Variants in SMARCC1 observed in about 807,000 individuals in gnomAD.
SMARCC1 encodes SWI/SNF complex subunit SMARCC1.
In SMARCC1, 43 loss-of-function variants were observed where a neutral mutation model predicts 147.4. That is an observed-to-expected ratio of 0.29 (90% CI 0.23 to 0.38). The LOEUF (loss-of-function observed/expected upper bound fraction) is 0.38, where lower values mean the gene tolerates loss of function less well. Among genes scored for constraint, SMARCC1 ranks in the 10% least tolerant of loss-of-function variants. The pLI is 1.00. For synonymous variants in SMARCC1, 495 were observed against 484.4 expected (o/e 1.02, Z -0.29); for missense variants, 1,119 against 1,381.1 (o/e 0.81, Z 3.01).
intron 5 of SMARCC1, among the ~76,000 whole-genome samples, chr3:47,732,671 G>A (rs530672765): frequency 1.3e-5 from 2 of 152,194 alleles, no homozygotes; most frequent in African/African-American, 2.4e-5. Context: ...TAGAGAGATA[G>A]AGAAGTGGCC....
intron 21 of SMARCC1, among the ~76,000 whole-genome samples, chr3:47,644,016 A>C (rs1324065759): frequency 6.6e-6 from 1 of 152,186 alleles, no homozygotes; most frequent in African/African-American, 2.4e-5. Context: ...GCGAGATTCC[A>C]TATCTATAAA....
chr3:47,650,526 T>C (rs901386823), intron 21 of SMARCC1, among the ~76,000 whole-genome samples: 18 of 151,690 alleles, frequency 1.2e-4, no homozygotes, highest in Admixed American at 3.9e-4. Flanking sequence ...GCATAAAATG[T>C]GGCCTTGGGT....
intron 1 of SMARCC1, among the ~76,000 whole-genome samples, chr3:47,777,088 A>G (rs999603874): frequency 7.6e-6 from 1 of 131,596 alleles, no homozygotes; most frequent in Non-Finnish European, 1.6e-5. Flanking sequence ...GTAAATATTT[A>G]TTTTTTTTTT....
rs986634018 is a variant in SMARCC1 at position 47,587,136 on chromosome 3, C to T, written c.*1073G>A. The T allele has an allele frequency of 1.3e-5, 2 of 152,616 alleles. No individual in the cohort carries two copies. The highest frequency in any genetic ancestry group is 2.1e-4 in the South Asian group (1 of 4,836). The allele number at this position is 152,616 out of a possible 1,614,324, so 9.5% of individuals were successfully genotyped here. ...TTAAAAGTACCGGTTGACGAAATTC[C>T]ACTCCCTGGCTACTGTAACAAGAGG... On this transcript the variant is annotated 3_prime_UTR_variant, in exon 28 of 28. Coordinates refer to ENST00000254480, the MANE Select transcript of SMARCC1 (RefSeq NM_003074.4).
chr3:47,728,813 A>G (rs766456966), intron 6 of SMARCC1, among the ~76,000 whole-genome samples: 1 of 152,162 alleles, frequency 6.6e-6, no homozygotes, highest in Non-Finnish European at 1.5e-5. Context: ...CAGGAGGCTG[A>G]GTCAGGAGAA....
chr3:47,739,119 C>T (rs1290041702), intron 3 of SMARCC1, among the ~76,000 whole-genome samples: 2 of 151,874 alleles, frequency 1.3e-5, no homozygotes, highest in Non-Finnish European at 3.0e-5. Flanking sequence ...ACACTAACAT[C>T]CAGGACAGGA....
At chr3:47,671,196 A>AAAAAAAAAAAC (rs753672169) in intron 18 of SMARCC1, among the ~76,000 whole-genome samples, 2,061 of 80,978 alleles carry the variant, frequency 0.025, 475 homozygotes, top group East Asian at 0.047. Flanking sequence ...AAAAAAAAAA[A>AAAAAAAAAAAC]AACACACACA....
rs1367543059 is a variant in SMARCC1 at position 47,633,779 on chromosome 3, T to TATATACACACACACAC, written c.2646+1410_2646+1411insGTGTGTGTGTGTATAT. 2.4e-4 allele frequency among the ~76,000 whole-genome samples: 7 copies of TATATACACACACACAC among 28,870 alleles called. 1 individual carries two copies. The highest frequency in any genetic ancestry group is 1.6e-3 in the East Asian group (1 of 644). The allele number at this position is 28,870 out of a possible 152,430, so 18.9% of individuals were successfully genotyped here. A position where few individuals can be genotyped will look rare whatever the true frequency, so the allele number is the denominator to read the frequency against. ...AAAAAAAAAAATATATATATATATA[T>TATATACACACACACAC]ACACACACACACACACACACACACA... is the stretch of plus-strand genomic sequence containing the variant. On this transcript the variant is annotated intron_variant, in intron 24 of 27. Coordinates refer to ENST00000254480, the MANE Select transcript of SMARCC1 (RefSeq NM_003074.4).
chr3:47,756,457 C>T (rs945026366), intron 2 of SMARCC1, among the ~76,000 whole-genome samples: 1 of 147,960 alleles, frequency 6.8e-6, no homozygotes, highest in Non-Finnish European at 1.5e-5. Context: ...CACTTGAACC[C>T]GGGAGGCGGA....
rs773551237 is a variant in SMARCC1 at position 47,680,491 on chromosome 3, C to T, written c.1403G>A (p.Arg468Gln). Residue 468 changes from arginine (R) to glutamine (Q), a missense_variant, in exon 15 of 28, where the codon CGG (arginine) becomes CAG (glutamine). By Grantham distance (43) the Arg-to-Gln change is conservative. Around this residue, in one of 6 missense-constraint regions of SMARCC1, gnomAD observed 542 missense variants for 611.8 expected, o/e 0.89. Coordinates refer to ENST00000254480, the MANE Select transcript of SMARCC1 (RefSeq NM_003074.4). ...ATTGAAGAACTCAGGAAGAGCACGCCGTTCAATCACATGAATACTGAAAAG... is the reference window on the plus strand; with the variant it reads ...ATTGAAGAACTCAGGAAGAGCACGCTGTTCAATCACATGAATACTGAAAAG... ...FDYNCIHVIERRALPEFFNGK... is the reference protein window; with the variant it reads ...FDYNCIHVIEQRALPEFFNGK... The T allele has an allele frequency of 8.8e-6, 14 of 1,595,554 alleles. No individual in the cohort carries two copies. In the South Asian group the frequency reaches 1.3e-4, roughly 15 times the overall value.
intron 21 of SMARCC1, among the ~76,000 whole-genome samples, chr3:47,655,386 G>A (rs534093289): frequency 4.0e-5 from 6 of 151,710 alleles, no homozygotes; most frequent in Non-Finnish European, 8.8e-5. Flanking sequence ...GTGACAAAGC[G>A]AGACACTGTC....
chr3:47,604,691 C>G, intron 26 of SMARCC1: 1 of 105,078 alleles, frequency 9.5e-6, no homozygotes, highest in African/African-American at 3.3e-5. Flanking sequence ...GTTTAATTTA[C>G]TGTTGTTCTT....
In SMARCC1 at chr3:47,689,282, C is replaced by A. The variant is rs1576412191; in HGVS notation, c.1263+105G>T. On this transcript the variant is annotated intron_variant, in intron 13 of 27. Transcript: ENST00000254480. ...AAAAAAAATTCAAAAACCAGAAGGG[C>A]TTCATAGTCCAAAAATTGGGTTATG... 3.4e-6 allele frequency: 3 copies of A among 891,100 alleles called. No homozygotes were observed. The Admixed American group carries it at 6.2e-5, about 19-fold the overall frequency. The allele number at this position is 891,100 out of a possible 1,614,324, so 55.2% of individuals were successfully genotyped here.
intron 27 of SMARCC1, 47 bp downstream of exon 27, chr3:47,590,614 T>A (rs534376947): frequency 6.9e-7 from 1 of 1,456,240 alleles, no homozygotes; most frequent in Admixed American, 2.7e-5. Flanking sequence ...TCTACAGCCC[T>A]CCAGAACGGA....
In SMARCC1 at chr3:47,662,504, C is replaced by G; in HGVS notation, c.1988G>C (p.Arg663Thr). Residue 663 changes from arginine to threonine, a missense_variant, in exon 20 of 28, where the codon AGA (arginine) becomes ACA (threonine). Arg to Thr is a moderately conservative substitution (Grantham distance 71). Around this residue, in one of 6 missense-constraint regions of SMARCC1, gnomAD observed 178 missense variants for 264.6 expected, o/e 0.67. Transcript: ENST00000254480. Reference sequence around the variant, plus strand: ...AAGGTATGGGTCCTCAATGGGAAGTCTCAAAAAGTGGAGGATGCATTCATC... The same window carrying G: ...AAGGTATGGGTCCTCAATGGGAAGTGTCAAAAAGTGGAGGATGCATTCATC... ...TQDECILHFL[R>T]LPIEDPYLEN... 4 of 1,614,078 alleles carry G rather than the reference C, an allele frequency of 2.5e-6. No homozygotes were observed. Among genetic ancestry groups the G allele is most frequent in the Non-Finnish European group, 3.4e-6 (4 of 1,179,954 alleles).
intron 2 of SMARCC1, among the ~76,000 whole-genome samples, chr3:47,750,993 G>A (rs2106847901): frequency 6.6e-6 from 1 of 151,808 alleles, no homozygotes; most frequent in South Asian, 2.1e-4. Context: ...TGCCTCCCGG[G>A]TTCAAGGGAC....
chr3:47,661,995 CT>C (rs11336122), intron 20 of SMARCC1, among the ~76,000 whole-genome samples: 82,843 of 142,300 alleles, frequency 0.58, 24,412 homozygotes, highest in East Asian at 0.71. Flanking sequence ...TTTTGTAATA[CT>C]TTTTTTTTTT....
intron 25 of SMARCC1, among the ~76,000 whole-genome samples, chr3:47,612,708 G>C (rs2032579800): frequency 6.7e-6 from 1 of 149,026 alleles, no homozygotes; most frequent in African/African-American, 2.4e-5. Context: ...AGTTTCATCT[G>C]TCATTTTAAA....
intron 19 of SMARCC1, among the ~76,000 whole-genome samples, chr3:47,668,968 G>A (rs2033459721): frequency 6.6e-6 from 1 of 151,544 alleles, no homozygotes; most frequent in Non-Finnish European, 1.5e-5. Context: ...ATTAGAAAGA[G>A]ACTATATTTG....
Sources: gnomAD v4.1 joint callset for allele counts (sites outside exome capture counted in the v4.1 genomes callset) on GRCh38, gnomAD v4.1.1 for gene constraint, gnomAD v4.1.1 regional missense constraint, MANE v1.5 for transcripts, NCBI Gene and HGNC (gene_info 2026-07-23, HGNC 2026-07-21) for gene names.